ONECUT1: variants seen among roughly 807,000 people sequenced by gnomAD.
ONECUT1 encodes the protein one cut homeobox 1.
In ONECUT1, 12 loss-of-function variants were observed where a neutral mutation model predicts 25.6. The observed-to-expected ratio is 0.47, with a 90% CI of 0.30 to 0.76. ONECUT1 has a LOEUF of 0.76. ONECUT1 is among the 30% of genes least tolerant of loss of function. The pLI, the probability that ONECUT1 is intolerant of heterozygous loss-of-function variation, is 0.07. For missense variants in ONECUT1, 620 were observed against 651.2 expected (o/e 0.95, Z 0.52); for synonymous variants, 285 against 270.2 (o/e 1.05, Z -0.54).
At chr15:52,771,025 C>T (rs1397407035) in intron 1 of ONECUT1, among the ~76,000 whole-genome samples, 1 of 152,226 alleles carries the variant, frequency 6.6e-6, no homozygotes, top group East Asian at 1.9e-4. Context: ...GCATTTATAT[C>T]AATATTAAAA....
intron 1 of ONECUT1, among the ~76,000 whole-genome samples, chr15:52,765,934 C>A (rs560722781): frequency 5.3e-5 from 8 of 152,336 alleles, no homozygotes; most frequent in East Asian, 1.9e-4. Context: ...GCATGGGAAG[C>A]AAAGTCCTGC....
chr15:52,769,168 C>T (rs542292957), intron 1 of ONECUT1, among the ~76,000 whole-genome samples: 72 of 152,342 alleles, frequency 4.7e-4, no homozygotes, highest in African/African-American at 1.7e-3. Flanking sequence ...CCTTCTCCAT[C>T]CCCTCTCCCA....
At chr15:52,777,228 A>C (rs2083806713) in intron 1 of ONECUT1, among the ~76,000 whole-genome samples, 1 of 152,186 alleles carries the variant, frequency 6.6e-6, no homozygotes, top group Admixed American at 6.5e-5. Context: ...GTTATTCCAG[A>C]AGTAAGTAGG....
At position 52,757,660 on chromosome 15, in the gene ONECUT1, G is replaced by A; in HGVS notation, c.1293C>T (p.Asn431=). 1 of 1,614,154 alleles carries A rather than the reference G, an allele frequency of 6.2e-7. No homozygotes were observed. Among genetic ancestry groups the A allele is most frequent in the Non-Finnish European group, 8.5e-7 (1 of 1,180,018 alleles). The change falls in exon 2 of 2, where the codon AAC becomes AAT. Residue 431 remains asparagine, a synonymous_variant. Transcript: ENST00000305901. ...QLGLELSTVS[N]FFMNARRRSL... ...TCCTCCTTCTTGCGTTCATGAAGAA[G>A]TTGCTGACAGTGCTCAGCTCCAACC...
Position 52,790,007 on chromosome 15 carries a change from G to T in ONECUT1, c.-123C>A. The T allele has an allele frequency of 7.3e-7, 1 of 1,365,588 alleles. No homozygotes were observed. Among genetic ancestry groups the T allele is most frequent in the Non-Finnish European group, 9.4e-7 (1 of 1,059,638 alleles). The allele number at this position is 1,365,588 out of a possible 1,614,324, so 84.6% of individuals were successfully genotyped here. A position where few individuals can be genotyped will look rare whatever the true frequency, so the allele number is the denominator to read the frequency against. ...GACTGTTGCCTTCCTTCCTCTCACT[G>T]TGGGGCTCTGTCTCTCTCTCTCTCT... On this transcript the variant is annotated 5_prime_UTR_variant, in exon 1 of 2. Transcript: ENST00000305901.
chr15:52,758,935 A>G (rs1432488125), intron 1 of ONECUT1, among the ~76,000 whole-genome samples: 1 of 152,010 alleles, frequency 6.6e-6, no homozygotes, highest in Admixed American at 6.5e-5. Context: ...ACAACCATCC[A>G]CAAATAACCA....
At chr15:52,773,244 A>G (rs200861393) in intron 1 of ONECUT1, among the ~76,000 whole-genome samples, 2 of 150,366 alleles carry the variant, frequency 1.3e-5, no homozygotes, top group African/African-American at 4.9e-5. Context: ...GAGAGAGAGA[A>G]AGAGAGAGAG....
chr15:52,769,335 G>A (rs2083752632), intron 1 of ONECUT1, among the ~76,000 whole-genome samples: 2 of 152,208 alleles, frequency 1.3e-5, no homozygotes, highest in Admixed American at 6.5e-5. Flanking sequence ...CAAGTTGGAT[G>A]TGGCTCCATA....
rs1357623356 is a variant in ONECUT1, at chr15:52,755,142, T to C, written c.*2413A>G. Among the ~76,000 whole-genome samples, 3 of 152,110 alleles carry C rather than the reference T, an allele frequency of 2.0e-5. No individual in the cohort carries two copies. In the South Asian group the frequency reaches 6.2e-4, roughly 32 times the overall value. On this transcript the variant is annotated 3_prime_UTR_variant, in exon 2 of 2. Transcript: ENST00000305901. Reference sequence around the variant, plus strand: ...TCTTGGGGTATTGAATTTGGTAAGATTGTGTGTAGACACAGCTTGAATTTC... The same window carrying C: ...TCTTGGGGTATTGAATTTGGTAAGACTGTGTGTAGACACAGCTTGAATTTC...
chr15:52,763,411 G>A (rs1189450712), intron 1 of ONECUT1, among the ~76,000 whole-genome samples: 1 of 152,162 alleles, frequency 6.6e-6, no homozygotes, highest in Non-Finnish European at 1.5e-5. Context: ...GAGGGTGTGG[G>A]CAAAGGACAG....
At chr15:52,761,435 G>C (rs75840878) in intron 1 of ONECUT1, among the ~76,000 whole-genome samples, 16,211 of 152,152 alleles carry the variant, frequency 0.11, 1,660 homozygotes, top group African/African-American at 0.28. Flanking sequence ...GTTTGGGAGG[G>C]CGAAGCAGGC....
chr15:52,772,845 A>T (rs2083776941), intron 1 of ONECUT1, among the ~76,000 whole-genome samples: 1 of 152,224 alleles, frequency 6.6e-6, no homozygotes, highest in African/African-American at 2.4e-5. Context: ...TGTTACATTT[A>T]GAGGATGTTT....
chr15:52,777,744 A>AAAAAAAAAAAC (rs753677708), intron 1 of ONECUT1, among the ~76,000 whole-genome samples: 1 of 146,750 alleles, frequency 6.8e-6, no homozygotes, highest in Non-Finnish European at 1.5e-5. Context: ...ACACAAAAAA[A>AAAAAAAAAAAC]CATGTAAAGT....
intron 1 of ONECUT1, among the ~76,000 whole-genome samples, chr15:52,772,981 G>A (rs188376416): frequency 1.3e-5 from 2 of 152,262 alleles, no homozygotes; most frequent in East Asian, 3.9e-4. Context: ...CACTTCCAGG[G>A]CTTGTTAAAA....
At chr15:52,774,163 A>T (rs1027088374) in intron 1 of ONECUT1, among the ~76,000 whole-genome samples, 4 of 150,862 alleles carry the variant, frequency 2.7e-5, no homozygotes, top group Non-Finnish European at 5.9e-5. Flanking sequence ...ACACACACAC[A>T]CAGAGGGTTA....
intron 1 of ONECUT1, among the ~76,000 whole-genome samples, chr15:52,782,346 C>T (rs575403844): frequency 1.3e-5 from 2 of 152,162 alleles, no homozygotes; most frequent in South Asian, 2.1e-4. Flanking sequence ...GTCACCTAGC[C>T]CAATCTTATT....
chr15:52,779,394 T>C (rs1240261992), intron 1 of ONECUT1, among the ~76,000 whole-genome samples: 2 of 152,102 alleles, frequency 1.3e-5, no homozygotes, highest in African/African-American at 2.4e-5. Context: ...GGCCGACCAG[T>C]TTATTTAAAA....
At position 52,784,033 on chromosome 15, in the gene ONECUT1, G is replaced by T. The variant is rs1388136506; in HGVS notation, c.1105+4747C>A. Among the ~76,000 whole-genome samples the T allele has an allele frequency of 6.6e-6, 1 of 152,162 alleles. No individual in the cohort carries two copies. Among genetic ancestry groups the T allele is most frequent in the Admixed American group, 6.5e-5 (1 of 15,278 alleles). ...AGGCGCAGCAAGCATCCCTTTCTTC[G>T]CTGCCGCGGGCTGAACCACGGACGC... is the stretch of plus-strand genomic sequence containing the variant. On this transcript the variant is annotated intron_variant, in intron 1 of 1. Transcript: ENST00000305901. The surrounding 1 kb of genome is among the most constrained non-coding windows in gnomAD (Gnocchi z 5.0).
chr15:52,767,059 T>C (rs1320996396), intron 1 of ONECUT1, among the ~76,000 whole-genome samples: 2 of 151,986 alleles, frequency 1.3e-5, no homozygotes, highest in Non-Finnish European at 2.9e-5. Context: ...AATAAGGGCG[T>C]GAGGGAGACA....
Sources: allele counts gnomAD v4.1 joint callset (sites outside exome capture counted in the v4.1 genomes callset), GRCh38; gene constraint gnomAD v4.1.1; non-coding constraint Gnocchi (gnomAD v3.1); transcripts MANE v1.5; gene names NCBI Gene and HGNC (gene_info 2026-07-23, HGNC 2026-07-21).